The following LRRC36 variants were observed in gnomAD, a reference collection of about 807,000 sequenced individuals.
The protein encoded by LRRC36 is leucine-rich repeat-containing protein 36.
In LRRC36, 62 loss-of-function variants were observed where a neutral mutation model predicts 81.1. The ratio of observed to expected loss-of-function variants is 0.76; its 90% CI spans 0.62 to 0.94. The LOEUF is 0.94. LRRC36 is among the 40% of genes least tolerant of loss of function. The pLI is 0.00. For missense variants in LRRC36, 761 were observed against 881.7 expected, an observed-to-expected ratio of 0.86 and a Z score of 1.73; for synonymous variants, 334 against 348.6, an observed-to-expected ratio of 0.96 and a Z score of 0.47.
chr16:67,346,434 C>A lies in LRRC36; in HGVS notation c.377C>A (p.Thr126Asn). 1 of 1,575,846 alleles carries A rather than the reference C, an allele frequency of 6.3e-7. No homozygotes were observed. Among genetic ancestry groups the A allele is most frequent in the Non-Finnish European group, 8.7e-7 (1 of 1,155,298 alleles). ...CTCTTTGCTGTATATACACTACAAA[C>A]TCTGGAGAAATTAGGTAAGACCTTC... The part of the protein sequence containing the change: ...YRLFAVYTLQ[T>N]LEKLDDRTVR... Residue 126 changes from threonine (T) to asparagine (N), a missense_variant, in exon 3 of 14, where the codon ACT becomes AAT. Physicochemically the swap from Thr to Asn is moderately conservative, Grantham distance 65 (BLOSUM62 0). Coordinates refer to ENST00000329956, the MANE Select transcript of LRRC36 (RefSeq NM_018296.6).
chr16:67,351,267 C>T (rs1030870943), intron 5 of LRRC36, among the ~76,000 whole-genome samples: 1 of 152,118 alleles, frequency 6.6e-6, no homozygotes, highest in African/African-American at 2.4e-5. Context: ...CTCTAAACAT[C>T]AATTCCTAAA....
chr16:67,379,073 A>T (rs992942972), intron 12 of LRRC36, among the ~76,000 whole-genome samples: 4 of 152,200 alleles, frequency 2.6e-5, no homozygotes, highest in Admixed American at 6.5e-5. Context: ...AACTTCCATT[A>T]GTGTTTTTGG....
chr16:67,362,514 G>T (rs904375819), intron 5 of LRRC36, among the ~76,000 whole-genome samples: 1 of 152,008 alleles, frequency 6.6e-6, no homozygotes, highest in African/African-American at 2.4e-5. Context: ...ATATATTTAA[G>T]CTCATGGTGA....
At chr16:67,350,976 T>A (rs1014440179) in intron 5 of LRRC36, among the ~76,000 whole-genome samples, 13 of 152,166 alleles carry the variant, frequency 8.5e-5, no homozygotes, top group African/African-American at 3.1e-4. Context: ...AGGCAGAGGT[T>A]GTGGTGAGCC....
chr16:67,367,493 T>TCAGGTAACAGCTTCCTGTC, intron 8 of LRRC36, 36 bp downstream of exon 8: 1 of 1,553,966 alleles, frequency 6.4e-7, no homozygotes, highest in Non-Finnish European at 8.7e-7. Context: ...GTCTTCTTCA[T>TCAGGTAACAGCTTCCTGTC]AGGCATGAAG....
Position 67,353,969 on chromosome 16 carries a change from G to A in LRRC36, c.577+3679G>A, listed in dbSNP as rs572403045. Reference sequence around the variant, plus strand: ...AAACACAGCTGTGATGATTTATTATGCTTGCCTGCTCAAAAACTTCTCTGG... The same window carrying A: ...AAACACAGCTGTGATGATTTATTATACTTGCCTGCTCAAAAACTTCTCTGG... On this transcript the variant is annotated intron_variant, in intron 5 of 13. Coordinates refer to ENST00000329956, the MANE Select transcript of LRRC36 (RefSeq NM_018296.6). Among the ~76,000 whole-genome samples, 3 of 152,174 alleles carry A rather than the reference G, an allele frequency of 2.0e-5. No individual in the cohort carries two copies. In the East Asian group the frequency reaches 5.8e-4, roughly 29 times the overall value.
At chr16:67,329,071 G>A (rs538137459) in intron 1 of LRRC36, among the ~76,000 whole-genome samples, 8 of 151,806 alleles carry the variant, frequency 5.3e-5, no homozygotes, top group African/African-American at 4.8e-5. Context: ...CACCACGCCC[G>A]GCTAATTTTG....
intron 8 of LRRC36, among the ~76,000 whole-genome samples, chr16:67,369,902 T>C (rs1039942520): frequency 5.3e-5 from 8 of 152,036 alleles, no homozygotes; most frequent in African/African-American, 1.9e-4. Flanking sequence ...GAGATTTGGG[T>C]GGGGACACAG....
intron 6 of LRRC36, among the ~76,000 whole-genome samples, chr16:67,364,385 A>G (rs973492367): frequency 1.3e-5 from 2 of 152,218 alleles, no homozygotes; most frequent in African/African-American, 4.8e-5. Flanking sequence ...TCTTTGATAC[A>G]TTTATGAGCA....
At chr16:67,347,378 C>T (rs1045069465) in intron 3 of LRRC36, 117 bp from the exon 4 acceptor site, 12 of 1,524,952 alleles carry the variant, frequency 7.9e-6, no homozygotes, top group African/African-American at 4.2e-5. Context: ...CTGTCTCTAA[C>T]ACACCAAGAT....
chr16:67,375,563 A>G (rs2039860625), intron 10 of LRRC36, 151 bp downstream of exon 10: 7 of 560,816 alleles, frequency 1.2e-5, no homozygotes, highest in Non-Finnish European at 2.1e-5. Flanking sequence ...TAGTTAACAA[A>G]TCTACATTTT....
In LRRC36 at chr16:67,384,857, C is replaced by T. The variant is rs759543043; in HGVS notation, c.2046-13C>T. ...TTATGATTTCATGACTGCCTTTTTC[C>T]CTTGGGCCTCAGATCCCTGGTGGTA... On this transcript the variant is annotated splice_polypyrimidine_tract_variant and intron_variant, in intron 13 of 13. Coordinates refer to ENST00000329956, the MANE Select transcript of LRRC36 (RefSeq NM_018296.6). 2 of 1,607,214 alleles carry T rather than the reference C, an allele frequency of 1.2e-6. No homozygotes were observed. The highest frequency in any genetic ancestry group is 1.1e-5 in the South Asian group (1 of 90,778).
chr16:67,354,876 G>A (rs2038827595), intron 5 of LRRC36, among the ~76,000 whole-genome samples: 1 of 152,122 alleles, frequency 6.6e-6, no homozygotes, highest in Non-Finnish European at 1.5e-5. Context: ...TACAAAAATA[G>A]CTTCACTGCC....
intron 6 of LRRC36, among the ~76,000 whole-genome samples, chr16:67,364,790 A>G (rs934277799): frequency 2.0e-4 from 30 of 152,236 alleles, no homozygotes; most frequent in Non-Finnish European, 4.4e-5. Context: ...GAAATAAGGA[A>G]GTGGGATTTC....
At chr16:67,343,218 T>G (rs1489150262) in intron 2 of LRRC36, among the ~76,000 whole-genome samples, 3 of 152,240 alleles carry the variant, frequency 2.0e-5, no homozygotes, top group African/African-American at 7.2e-5. Context: ...AATTTGTTTT[T>G]ATACTTCCTT....
chr16:67,370,470 C>T (rs962373281), intron 8 of LRRC36, among the ~76,000 whole-genome samples: 26 of 151,898 alleles, frequency 1.7e-4, no homozygotes, highest in African/African-American at 4.6e-4. Context: ...GGTGAAACCC[C>T]ATCTCTACTA....
At chr16:67,355,282 C>T (rs1312385302) in intron 5 of LRRC36, among the ~76,000 whole-genome samples, 2 of 148,342 alleles carry the variant, frequency 1.3e-5, no homozygotes, top group African/African-American at 4.9e-5. Flanking sequence ...TACCAAAGAA[C>T]ATGATTGCTG....
At chr16:67,379,543 C>G (rs1337173843) in intron 12 of LRRC36, among the ~76,000 whole-genome samples, 1 of 152,098 alleles carries the variant, frequency 6.6e-6, no homozygotes, top group African/African-American at 2.4e-5. Flanking sequence ...ATGGTGAAAC[C>G]CTGTCTCTAC....
rs574005050 is a variant in LRRC36 at position 67,384,497 on chromosome 16, T to C, written c.2046-373T>C. Among the ~76,000 whole-genome samples, 5 of 152,262 alleles carry C rather than the reference T, an allele frequency of 3.3e-5. No individual in the cohort carries two copies. In the East Asian group the frequency reaches 5.8e-4, roughly 18 times the overall value. On this transcript the variant is annotated intron_variant, in intron 13 of 13. Coordinates refer to ENST00000329956, the MANE Select transcript of LRRC36 (RefSeq NM_018296.6). Reference sequence around the variant, plus strand: ...AGCCATGACTAGCACCATTAGTGAATTGCAGTGGCAGGATAGATTAGAAGT... The same window carrying C: ...AGCCATGACTAGCACCATTAGTGAACTGCAGTGGCAGGATAGATTAGAAGT...
Sources: gnomAD v4.1 joint callset for allele counts (sites outside exome capture counted in the v4.1 genomes callset) on GRCh38, gnomAD v4.1.1 for gene constraint, MANE v1.5 for transcripts, NCBI Gene and HGNC (gene_info 2026-07-23, HGNC 2026-07-21) for gene names.